The following RIMBP2 variants were observed in gnomAD, a reference collection of about 807,000 sequenced individuals.
RIMBP2 encodes RIMS binding protein 2, also known as RIMS-binding protein 2.
In RIMBP2, 48 loss-of-function variants were observed where a neutral mutation model predicts 118.6. That is an observed-to-expected ratio of 0.40 (90% CI 0.32 to 0.51). The LOEUF is 0.51. Among genes scored for constraint, RIMBP2 ranks in the 20% least tolerant of loss-of-function variants. The pLI, the probability that RIMBP2 is intolerant of heterozygous loss-of-function variation, is 0.41. For missense variants in RIMBP2, 1,551 were observed against 1,768.3 expected, an observed-to-expected ratio of 0.88 and a Z score of 2.20; for synonymous variants, 762 against 742.9, an observed-to-expected ratio of 1.03 and a Z score of -0.42.
chr12:130,470,765 G>A, intron 5 of RIMBP2, 22 bp from the exon 6 acceptor site: 1 of 1,224,606 alleles, frequency 8.2e-7, no homozygotes, highest in East Asian at 3.2e-5. Flanking sequence ...TGAAAAGAGA[G>A]AAAAGAGTAA....
intron 2 of RIMBP2, among the ~76,000 whole-genome samples, chr12:130,535,738 C>CATATATATATATATATATAT (rs55887629): frequency 4.5e-5 from 3 of 66,732 alleles, no homozygotes; most frequent in African/African-American, 8.0e-5. Context: ...CATATATATA[C>CATATATATATATATATATAT]ATATATATAT....
At position 130,446,871 on chromosome 12, in the gene RIMBP2, G is replaced by A. The variant is rs186942893; in HGVS notation, c.582-1602C>T. On this transcript the variant is annotated intron_variant, in intron 9 of 22. Coordinates refer to ENST00000690449, the MANE Select transcript of RIMBP2 (RefSeq NM_001393629.1). The surrounding 1 kb of genome is among the most constrained non-coding windows in gnomAD (Gnocchi z 4.1). The stretch of plus-strand genomic sequence containing the variant: ...GGAGTTCCAGCAAAGGAGTTTGGTC[G>A]GGGAGTGACTTAGGAGGCTGTGGAA... Among the ~76,000 whole-genome samples, 3 of 152,256 alleles carry A rather than the reference G, an allele frequency of 2.0e-5. No individual in the cohort carries two copies. The highest frequency in any genetic ancestry group is 3.9e-4 in the East Asian group (2 of 5,178).
chr12:130,518,585 T>A (rs983395924), intron 2 of RIMBP2, among the ~76,000 whole-genome samples: 2 of 151,918 alleles, frequency 1.3e-5, no homozygotes, highest in Admixed American at 6.6e-5. Flanking sequence ...TTTTATGGGG[T>A]CATGCACCTA....
At chr12:130,549,813 G>T (rs2055557230) in intron 2 of RIMBP2, among the ~76,000 whole-genome samples, 1 of 152,144 alleles carries the variant, frequency 6.6e-6, no homozygotes, top group Admixed American at 6.5e-5. Flanking sequence ...GTGCTGCAAT[G>T]AACATTCATG....
chr12:130,574,631 G>T (rs1381768544), intron 2 of RIMBP2, among the ~76,000 whole-genome samples: 1 of 152,142 alleles, frequency 6.6e-6, no homozygotes, highest in East Asian at 1.9e-4. Flanking sequence ...GCCATCTGCA[G>T]CACATCAAAG....
rs1026230329 is a variant in RIMBP2, at chr12:130,424,585, G to A, written c.2686C>T (p.His896Tyr). The A allele has an allele frequency of 1.6e-6, 2 of 1,231,862 alleles. No individual in the cohort carries two copies. Among genetic ancestry groups the A allele is most frequent in the Non-Finnish European group, 2.0e-6 (2 of 987,872 alleles). The allele number at this position is 1,231,862 out of a possible 1,614,324, so 76.3% of individuals were successfully genotyped here. A position where few individuals can be genotyped will look rare whatever the true frequency, so the allele number is the denominator to read the frequency against. The part of the protein sequence containing the change: ...VKHRGSGAVP[H>Y]VEDFLLEDRG... ...TCTTCCAGAAGGAAGTCCTCCACGT[G>A]GGGGACGGCCCCCGAGCCCCTGTGC... The change falls in exon 16 of 23, where the codon CAC becomes TAC. Residue 896 changes from histidine (H) to tyrosine (Y), a missense_variant. Around this residue, in one of 5 missense-constraint regions of RIMBP2, gnomAD observed 1,038 missense variants for 1,125.1 expected, o/e 0.92. Transcript: ENST00000690449. This position sits in a 1 kb window ranked among gnomAD's most constrained non-coding sequence, Gnocchi z 9.8.
chr12:130,427,489 C>T (rs2076869540), intron 15 of RIMBP2: 2 of 152,440 alleles, frequency 1.3e-5, no homozygotes, highest in African/African-American at 2.4e-5. Context: ...AAGGCCAGGA[C>T]CAAGGGAAAG....
intron 4 of RIMBP2, among the ~76,000 whole-genome samples, 192 bp from the exon 5 acceptor site, chr12:130,479,208 T>C (rs1214843923): frequency 6.6e-6 from 1 of 152,206 alleles, no homozygotes; most frequent in Non-Finnish European, 1.5e-5. Flanking sequence ...GCGGGAGCTA[T>C]GACATAAACA....
chr12:130,673,954 C>CAAA (rs34875722), intron 1 of RIMBP2, among the ~76,000 whole-genome samples: 59 of 142,744 alleles, frequency 4.1e-4, no homozygotes, highest in African/African-American at 1.4e-3. Context: ...TTTAAAAATA[C>CAAA]AAAAAAAAAA....
At chr12:130,503,814 C>T (rs1232480311) in intron 4 of RIMBP2, among the ~76,000 whole-genome samples, 1 of 152,220 alleles carries the variant, frequency 6.6e-6, no homozygotes, top group African/African-American at 2.4e-5. Flanking sequence ...TAACTATGTT[C>T]AGCCTCTGAG....
intron 2 of RIMBP2, among the ~76,000 whole-genome samples, chr12:130,591,811 G>C (rs1364128411): frequency 6.6e-6 from 1 of 152,228 alleles, no homozygotes; most frequent in African/African-American, 2.4e-5. Context: ...TCTAGTGATT[G>C]GGACATAGAC....
intron 1 of RIMBP2, among the ~76,000 whole-genome samples, chr12:130,709,637 C>G (rs1428793287): frequency 6.6e-5 from 10 of 152,294 alleles, no homozygotes. Context: ...ATATCTCCGT[C>G]CAAGGAGGTA....
At chr12:130,421,540 T>C (rs1273607154) in intron 17 of RIMBP2, among the ~76,000 whole-genome samples, 1 of 152,216 alleles carries the variant, frequency 6.6e-6, no homozygotes, top group African/African-American at 2.4e-5. Context: ...ACCAATGGCC[T>C]TTTAAACTTC....
At chr12:130,642,708 G>C (rs4759503) in intron 1 of RIMBP2, among the ~76,000 whole-genome samples, 29,776 of 152,162 alleles carry the variant, frequency 0.2, 3,651 homozygotes, top group East Asian at 0.35. Flanking sequence ...ACGATGTTTT[G>C]CTTAAAGTCA....
rs12821075 is a variant in RIMBP2 at position 130,617,052 on chromosome 12, C to G, written c.-217+11270G>C. ...TGTCCCACTGATGAGAGGTTCCACCCCATCTCTCATTTTTCCAGGACTGCC... is the reference window on the plus strand; with the variant it reads ...TGTCCCACTGATGAGAGGTTCCACCGCATCTCTCATTTTTCCAGGACTGCC... On this transcript the variant is annotated intron_variant, in intron 2 of 22. Coordinates refer to ENST00000690449, the MANE Select transcript of RIMBP2 (RefSeq NM_001393629.1). This position sits in a 1 kb window ranked among gnomAD's most constrained non-coding sequence, Gnocchi z 4.6. Among the ~76,000 whole-genome samples the G allele has an allele frequency of 0.16, 24,150 of 152,086 alleles. 2,032 individuals are homozygous for G. The highest frequency in any genetic ancestry group is 0.21 in the African/African-American group (8,806 of 41,456).
At chr12:130,433,311 G>A (rs567151170) in intron 14 of RIMBP2, among the ~76,000 whole-genome samples, 6 of 152,186 alleles carry the variant, frequency 3.9e-5, no homozygotes, top group Non-Finnish European at 7.3e-5. Context: ...CATGTGCGGT[G>A]CACACAGAGG....
At chr12:130,555,538 T>C (rs2056267561) in intron 2 of RIMBP2, among the ~76,000 whole-genome samples, 1 of 152,182 alleles carries the variant, frequency 6.6e-6, no homozygotes, top group Non-Finnish European at 1.5e-5. Flanking sequence ...TATGATTATA[T>C]TATTACAGAA....
In RIMBP2 at chr12:130,442,372, G is replaced by T; in HGVS notation, c.980C>A (p.Ala327Asp). 6.2e-7 allele frequency: 1 copy of T among 1,614,166 alleles called. No homozygotes were observed. Among genetic ancestry groups the T allele is most frequent in the Non-Finnish European group, 8.5e-7 (1 of 1,180,034 alleles). Reference protein sequence around the residue: ...PRKITLIKQLAKSVIVGWEPP... With the variant: ...PRKITLIKQLDKSVIVGWEPP... ...CTCCCAGCCCACAATAACACTTTTG[G>T]CGAGTTGTTTGATGAGGGTGATTTT... Residue 327 changes from alanine (A) to aspartate (D), a missense_variant, in exon 11 of 23, where the codon GCC becomes GAC. Transcript: ENST00000690449. This position sits in a 1 kb window ranked among gnomAD's most constrained non-coding sequence, Gnocchi z 6.9.
At chr12:130,640,149 T>C (rs2062552894) in intron 1 of RIMBP2, among the ~76,000 whole-genome samples, 2 of 152,066 alleles carry the variant, frequency 1.3e-5, no homozygotes, top group African/African-American at 4.8e-5. Flanking sequence ...CCAAGGAAGA[T>C]GGGGAACAAA....
Sources: allele counts gnomAD v4.1 joint callset (sites outside exome capture counted in the v4.1 genomes callset), GRCh38; gene constraint gnomAD v4.1.1; regional missense constraint gnomAD v4.1.1; non-coding constraint Gnocchi (gnomAD v3.1); transcripts MANE v1.5; gene names NCBI Gene and HGNC (gene_info 2026-07-23, HGNC 2026-07-21).